Variants in DSP observed in about 807,000 individuals in gnomAD.
The protein encoded by DSP is 250/210 kDa paraneoplastic pemphigus antigen.
Under a neutral mutation model 290.6 loss-of-function variants are expected in DSP, and 114 were observed. The observed-to-expected ratio is 0.39, with a 90% CI of 0.34 to 0.46. The LOEUF (loss-of-function observed/expected upper bound fraction) is 0.46, where lower values mean the gene tolerates loss of function less well. DSP is among the 20% of genes least tolerant of loss of function. DSP has a pLI of 0.99. For synonymous variants in DSP, 1,311 were observed against 1,316.4 expected (o/e 1.00, Z 0.09); for missense variants, 3,230 against 3,495.8 (o/e 0.92, Z 1.92).
In DSP at chr6:7,583,869, G is replaced by C. The variant is rs779579911; in HGVS notation, c.6607G>C (p.Val2203Leu). The C allele has an allele frequency of 6.8e-6, 11 of 1,614,118 alleles. 1 individual carries two copies. In the South Asian group the frequency reaches 1.1e-4, roughly 16 times the overall value. Reference protein sequence around the residue: ...EPHTGLLLLSVQKRSMSFQGI... With the variant: ...EPHTGLLLLSLQKRSMSFQGI... ...ACATACTGGTCTGCTCTTGCTTTCA[G>C]TACAGAAGAGAAGCATGTCCTTCCA... The change falls in exon 24 of 24, where the codon GTA becomes CTA. Residue 2203 changes from valine to leucine, a missense_variant. Physicochemically the swap from Val to Leu is conservative, Grantham distance 32. Transcript: ENST00000379802. This position sits in a 1 kb window ranked among gnomAD's most constrained non-coding sequence, Gnocchi z 4.0.
intron 1 of DSP, 146 bp downstream of exon 1, chr6:7,542,231 G>C: frequency 1.8e-6 from 2 of 1,138,004 alleles, no homozygotes; most frequent in Non-Finnish European, 2.5e-6. Context: ...GCCGCGCTGG[G>C]AGCAGGACCG....
chr6:7,548,450 T>G (rs1411194053), intron 1 of DSP, among the ~76,000 whole-genome samples: 1 of 151,954 alleles, frequency 6.6e-6, no homozygotes, highest in Admixed American at 6.6e-5. Context: ...TGGATGTCAC[T>G]TTAAGTTGCT....
chr6:7,571,302 T>A (rs1363082474), intron 13 of DSP, 81 bp from the exon 14 acceptor site: 7 of 1,394,666 alleles, frequency 5.0e-6, no homozygotes, highest in Non-Finnish European at 7.1e-6. Flanking sequence ...ATCTAGTGGG[T>A]GGCATTTTTT....
At chr6:7,572,738 G>A (rs1759093219) in intron 15 of DSP, among the ~76,000 whole-genome samples, 1 of 152,172 alleles carries the variant, frequency 6.6e-6, no homozygotes, top group Non-Finnish European at 1.5e-5. Flanking sequence ...ATGTAGTTGT[G>A]TTGCTTAATG....
Position 7,583,849 on chromosome 6 carries a change from C to G in DSP, c.6587C>G (p.Thr2196Ser). 1 of 1,614,132 alleles carries G rather than the reference C, an allele frequency of 6.2e-7. No individual in the cohort carries two copies. Among genetic ancestry groups the G allele is most frequent in the Non-Finnish European group, 8.5e-7 (1 of 1,180,028 alleles). The change falls in exon 24 of 24, where the codon ACT becomes AGT. Residue 2196 changes from threonine (T) to serine (S), a missense_variant. This residue lies in a region of DSP where 1,714 missense variants were observed against 1,844.5 expected (regional missense o/e 0.93). Coordinates refer to ENST00000379802, the MANE Select transcript of DSP (RefSeq NM_004415.4). This position sits in a 1 kb window ranked among gnomAD's most constrained non-coding sequence, Gnocchi z 4.0. ...GAACGGTGCAGAATCGAACCACATA[C>G]TGGTCTGCTCTTGCTTTCAGTACAG... Reference protein sequence around the residue: ...LKERCRIEPHTGLLLLSVQKR... With the variant: ...LKERCRIEPHSGLLLLSVQKR...
Position 7,567,800 on chromosome 6 carries a change from C to G in DSP, c.1160C>G (p.Ser387Cys), listed in dbSNP as rs780567419. 3 of 1,613,984 alleles carry G rather than the reference C, an allele frequency of 1.9e-6. No individual in the cohort carries two copies. The Admixed American group carries it at 5.0e-5, about 27-fold the overall frequency. Residue 387 changes from serine to cysteine, a missense_variant, in exon 10 of 24, where the codon TCT becomes TGT. Transcript: ENST00000379802. The stretch of plus-strand genomic sequence containing the variant: ...TCACAGTTTTTTGAAGAGGCGCAGT[C>G]TACTGAAGCATACCTGAAGGGGCTC... ...AYFQFFEEAQSTEAYLKGLQD... is the reference protein window; with the variant it reads ...AYFQFFEEAQCTEAYLKGLQD...
chr6:7,573,633 G>A (rs1246249470), intron 15 of DSP, among the ~76,000 whole-genome samples: 7 of 151,900 alleles, frequency 4.6e-5, no homozygotes, highest in African/African-American at 1.7e-4. Context: ...ATGGATGAAT[G>A]TGGGGGACAT....
Position 7,571,521 on chromosome 6 carries a change from G to C in DSP, c.1840G>C (p.Asp614His). ...DKRKIQSQFT[D>H]AQKHYQTLVI... is the part of the protein sequence containing the mutation. Reference sequence around the variant, plus strand: ...GCGGAAAATACAGTCTCAGTTCACCGATGCCCAGAAGCATTACCAGACCCT... The same window carrying C: ...GCGGAAAATACAGTCTCAGTTCACCCATGCCCAGAAGCATTACCAGACCCT... Residue 614 changes from aspartate (D) to histidine (H), a missense_variant, in exon 14 of 24, where the codon GAT becomes CAT. Physicochemically the swap from Asp to His is moderately conservative, Grantham distance 81. This residue lies in a region of DSP where 81 missense variants were observed against 130.5 expected (regional missense o/e 0.62). Coordinates refer to ENST00000379802, the MANE Select transcript of DSP (RefSeq NM_004415.4). 1.9e-6 allele frequency: 3 copies of C among 1,614,178 alleles called. No individual in the cohort carries two copies. The highest frequency in any genetic ancestry group is 2.5e-6 in the Non-Finnish European group (3 of 1,180,026).
rs1464781032 is a variant in DSP, at chr6:7,582,807, G to A, written c.5545G>A (p.Val1849Met). The A allele has an allele frequency of 6.2e-7, 1 of 1,613,954 alleles. No homozygotes were observed. Among genetic ancestry groups the A allele is most frequent in the Non-Finnish European group, 8.5e-7 (1 of 1,180,040 alleles). ...AKSTLEAETR[V>M]KQRLECEKQQ... ...ATCAACTCTAGAGGCAGAAACCAGG[G>A]TGAAACAGCGCCTGGAGTGTGAGAA... The change falls in exon 24 of 24, where the codon GTG (valine) becomes ATG (methionine). Residue 1849 changes from valine to methionine, a missense_variant. This residue lies in a region of DSP where 1,714 missense variants were observed against 1,844.5 expected (regional missense o/e 0.93). Coordinates refer to ENST00000379802, the MANE Select transcript of DSP (RefSeq NM_004415.4). The surrounding 1 kb of genome is among the most constrained non-coding windows in gnomAD (Gnocchi z 4.2).
Position 7,562,833 on chromosome 6 carries a change from T to A in DSP, c.726+53T>A, listed in dbSNP as rs904927311. ...CTTCAAAATATCTACCGAAGGATCG[T>A]GTAATTACTCAATCCCAGGGAGTTT... On this transcript the variant is annotated intron_variant, in intron 5 of 23. Transcript: ENST00000379802. 8.7e-6 allele frequency: 14 copies of A among 1,610,596 alleles called. No homozygotes were observed. The South Asian group carries it at 1.4e-4, about 16-fold the overall frequency.
At position 7,565,066 on chromosome 6, in the gene DSP, C is replaced by G. The variant is rs1758815688; in HGVS notation, c.778-293C>G. ...AGCTGAGGCAGGAGAATCGCTTAAA[C>G]CCGGGAGGGGGAGGTTGCAGTGAAC... On this transcript the variant is annotated intron_variant, in intron 6 of 23. Transcript: ENST00000379802. This position sits in a 1 kb window ranked among gnomAD's most constrained non-coding sequence, Gnocchi z 4.2. Among the ~76,000 whole-genome samples the G allele has an allele frequency of 6.6e-6, 1 of 152,124 alleles. No homozygotes were observed. The highest frequency in any genetic ancestry group is 2.4e-5 in the African/African-American group (1 of 41,424).
chr6:7,549,172 G>A (rs1429028718), intron 1 of DSP, among the ~76,000 whole-genome samples: 4 of 151,374 alleles, frequency 2.6e-5, no homozygotes, highest in Admixed American at 1.3e-4. Context: ...TTTTTGAGAC[G>A]GAGTTTTGCT....
chr6:7,547,965 A>G (rs1758213210), intron 1 of DSP, among the ~76,000 whole-genome samples: 1 of 152,098 alleles, frequency 6.6e-6, no homozygotes, highest in Non-Finnish European at 1.5e-5. Context: ...TGGGGCAAAG[A>G]CAAAACACAA....
chr6:7,569,309 C>T lies in DSP; in HGVS notation c.1543C>T (p.Pro515Ser). ...CTCTGTGGGGCTGATCATCCCTCCT[C>T]CGAACCCACTGGCCGTGGACCTCTC... ...VPSVGLIIPPPNPLAVDLSCK... is the reference protein window; with the variant it reads ...VPSVGLIIPPSNPLAVDLSCK... The change falls in exon 12 of 24, where the codon CCG becomes TCG. Residue 515 changes from proline to serine, a missense_variant. Transcript: ENST00000379802. The T allele has an allele frequency of 1.2e-6, 2 of 1,614,076 alleles. No individual in the cohort carries two copies. The highest frequency in any genetic ancestry group is 1.7e-6 in the Non-Finnish European group (2 of 1,179,956).
rs202057409 is a variant in DSP at position 7,579,466 on chromosome 6, G to A, written c.3276G>A (p.Ser1092=). 2.5e-5 allele frequency: 41 copies of A among 1,614,060 alleles called. No individual in the cohort carries two copies. Among genetic ancestry groups the A allele is most frequent in the Middle Eastern group, 3.3e-4 (2 of 6,062 alleles). Residue 1092 remains serine, a synonymous_variant, in exon 23 of 24, where the codon TCG becomes TCA. Coordinates refer to ENST00000379802, the MANE Select transcript of DSP (RefSeq NM_004415.4). The surrounding 1 kb of genome is among the most constrained non-coding windows in gnomAD (Gnocchi z 4.1). The part of the protein sequence containing the change: ...LKRQAELDGK[S]AKQNLDKCYG... ...GACAGGCTGAGCTGGATGGGAAGTC[G>A]GCTAAGCAAAATCTAGACAAGTGCT...
chr6:7,559,119 T>C (rs1758593184), intron 3 of DSP, 107 bp from the exon 4 acceptor site: 1 of 1,269,436 alleles, frequency 7.9e-7, no homozygotes, highest in Non-Finnish European at 1.1e-6. Context: ...ATAAAACATT[T>C]GTAGCTTCTC....
chr6:7,551,997 T>A (rs1273572841), intron 1 of DSP, among the ~76,000 whole-genome samples: 1 of 152,208 alleles, frequency 6.6e-6, no homozygotes, highest in Non-Finnish European at 1.5e-5. Context: ...TTCTTACAGA[T>A]GAAAGATAGA....
Position 7,565,591 on chromosome 6 carries a change from A to G in DSP, c.939+71A>G, listed in dbSNP as rs571951729. The G allele has an allele frequency of 2.1e-4, 336 of 1,576,166 alleles. 2 individuals carry two copies. The African/African-American group carries it at 4.1e-3, about 19-fold the overall frequency. On this transcript the variant is annotated intron_variant, in intron 7 of 23. Transcript: ENST00000379802. The surrounding 1 kb of genome is among the most constrained non-coding windows in gnomAD (Gnocchi z 4.2). ...GCCTTGAAGAGCTGGGGTCTCGGGG[A>G]ATGATTGGTCTATTAATAATTTAAT...
chr6:7,546,769 G>A (rs930895577), intron 1 of DSP, among the ~76,000 whole-genome samples: 3 of 152,156 alleles, frequency 2.0e-5, no homozygotes, highest in African/African-American at 4.8e-5. Flanking sequence ...TACTCTTGTA[G>A]AGTTTCTATC....
Sources: allele counts gnomAD v4.1 joint callset (sites outside exome capture counted in the v4.1 genomes callset), GRCh38; gene constraint gnomAD v4.1.1; regional missense constraint gnomAD v4.1.1; non-coding constraint Gnocchi (gnomAD v3.1); transcripts MANE v1.5; gene names NCBI Gene and HGNC (gene_info 2026-07-23, HGNC 2026-07-21).